The following PGM5 variants were observed in gnomAD, a reference collection of about 807,000 sequenced individuals.
PGM5 encodes phosphoglucomutase-like protein 5.
PGM5 carries 23 observed loss-of-function variants against 59.2 expected under a neutral mutation model. The observed-to-expected ratio is 0.39, with a 90% CI of 0.28 to 0.55. PGM5 has a LOEUF of 0.55. PGM5 is among the 20% of genes least tolerant of loss of function. The probability of loss-of-function intolerance (pLI) is 0.66; values close to 1 mark genes in which losing one functional copy is unlikely to be tolerated. For synonymous variants in PGM5, 214 were observed against 286.0 expected, an observed-to-expected ratio of 0.75 and a Z score of 2.54; for missense variants, 574 against 748.3, an observed-to-expected ratio of 0.77 and a Z score of 2.72.
intron 1 of PGM5, among the ~76,000 whole-genome samples, chr9:68,359,409 G>A (rs1321388696): frequency 6.6e-6 from 1 of 152,146 alleles, no homozygotes; most frequent in Non-Finnish European, 1.5e-5. Context: ...CATGGGTGAA[G>A]GGAATGGTGG....
chr9:68,528,155 T>C (rs1195457568), intron 10 of PGM5, among the ~76,000 whole-genome samples: 4 of 152,244 alleles, frequency 2.6e-5, no homozygotes, highest in Non-Finnish European at 5.9e-5. Flanking sequence ...TACAGAATTT[T>C]TGTTTCTTCC....
intron 10 of PGM5, among the ~76,000 whole-genome samples, chr9:68,505,197 A>G (rs1445864404): frequency 7.9e-5 from 12 of 152,310 alleles, no homozygotes; most frequent in African/African-American, 2.9e-4. Context: ...AACAAAATCC[A>G]CATTGTCCAT....
chr9:68,402,748 G>A (rs1822704440), intron 6 of PGM5, among the ~76,000 whole-genome samples: 1 of 152,160 alleles, frequency 6.6e-6, no homozygotes, highest in African/African-American at 2.4e-5. Context: ...TAAAATGAAG[G>A]AGGATAATGT....
chr9:68,357,654 G>C, intron 1 of PGM5: 1 of 540,308 alleles, frequency 1.9e-6, no homozygotes, highest in Non-Finnish European at 3.2e-6. Flanking sequence ...CACTCCGGGC[G>C]CCCTGGACTC....
Position 68,462,456 on chromosome 9 carries a change from G to A in PGM5, c.1044-2637G>A, listed in dbSNP as rs187298810. ...ACAATTAACTCATACCCAGGATCCT[G>A]GAATTTGATTACCCATATTGTTATT... On this transcript the variant is annotated intron_variant, in intron 6 of 10. Coordinates refer to ENST00000396396, the MANE Select transcript of PGM5 (RefSeq NM_021965.4). Among the ~76,000 whole-genome samples the A allele has an allele frequency of 4.5e-3, 692 of 152,244 alleles. 1 individual carries two copies. Among genetic ancestry groups the A allele is most frequent in the Middle Eastern group, 6.8e-3 (2 of 294 alleles).
intron 10 of PGM5, among the ~76,000 whole-genome samples, chr9:68,512,847 G>A (rs1004618021): frequency 2.0e-5 from 3 of 152,168 alleles, no homozygotes; most frequent in Non-Finnish European, 4.4e-5. Context: ...CACAAAAGCC[G>A]CCACAGGTAA....
chr9:68,473,363 C>T (rs189929895), intron 7 of PGM5, among the ~76,000 whole-genome samples: 29 of 152,332 alleles, frequency 1.9e-4, no homozygotes, highest in African/African-American at 5.8e-4. Flanking sequence ...ACATAGGATG[C>T]TTTACCCGCT....
intron 6 of PGM5, among the ~76,000 whole-genome samples, chr9:68,461,713 T>G (rs1336292446): frequency 1.3e-5 from 2 of 152,178 alleles, no homozygotes; most frequent in East Asian, 1.9e-4. Context: ...GATCTCAGAC[T>G]TCCTAACCTC....
At chr9:68,462,276 C>T (rs533893366) in intron 6 of PGM5, among the ~76,000 whole-genome samples, 2 of 152,222 alleles carry the variant, frequency 1.3e-5, no homozygotes, top group South Asian at 2.1e-4. Flanking sequence ...TGGGCAGCTT[C>T]GTTTTCAGCT....
intron 4 of PGM5, among the ~76,000 whole-genome samples, chr9:68,389,979 A>T (rs149582945): frequency 0.012 from 1,770 of 152,182 alleles, 41 homozygotes; most frequent in African/African-American, 0.04. Flanking sequence ...GATATATTTT[A>T]AAAAGTTTTC....
intron 6 of PGM5, among the ~76,000 whole-genome samples, chr9:68,406,668 ATATATATATG>A (rs199631119): frequency 0.36 from 2,286 of 6,408 alleles, 434 homozygotes; most frequent in Non-Finnish European, 0.42. Flanking sequence ...AGGTATATAT[ATATATATATG>A]TATATATATA....
At chr9:68,522,181 A>G (rs973582420) in intron 10 of PGM5, among the ~76,000 whole-genome samples, 2 of 152,118 alleles carry the variant, frequency 1.3e-5, no homozygotes, top group Non-Finnish European at 2.9e-5. Context: ...CTTGAACCCA[A>G]GAGGCAAAAG....
At chr9:68,520,016 G>A (rs1824876409) in intron 10 of PGM5, among the ~76,000 whole-genome samples, 1 of 151,018 alleles carries the variant, frequency 6.6e-6, no homozygotes, top group Non-Finnish European at 1.5e-5. Context: ...CTCAAGCCTG[G>A]GAAATTGATG....
chr9:68,525,779 G>T (rs559862556), intron 10 of PGM5, among the ~76,000 whole-genome samples: 4 of 152,134 alleles, frequency 2.6e-5, no homozygotes, highest in African/African-American at 7.2e-5. Context: ...GGAGCTTGCC[G>T]GGCGTGGTGG....
In PGM5 at chr9:68,529,743, C is replaced by T; in HGVS notation, c.*87C>T. 3 of 593,414 alleles carry T rather than the reference C, an allele frequency of 5.1e-6. No individual in the cohort carries two copies. The highest frequency in any genetic ancestry group is 8.1e-6 in the Non-Finnish European group (3 of 371,914). The allele number at this position is 593,414 out of a possible 1,614,324, so 36.8% of individuals were successfully genotyped here. ...GCCTTCTTGCTACCTGTTTGTGCCT[C>T]TTATGACTTTGGAAAAACAAAAGAT... On this transcript the variant is annotated 3_prime_UTR_variant, in exon 11 of 11. Transcript: ENST00000396396.
intron 1 of PGM5, among the ~76,000 whole-genome samples, chr9:68,376,097 A>G (rs1179513363): frequency 1.3e-5 from 2 of 151,404 alleles, no homozygotes; most frequent in African/African-American, 4.9e-5. Flanking sequence ...TGGGTTGGTG[A>G]GGGACAAGGA....
chr9:68,477,058 T>G (rs1180512544), intron 7 of PGM5, among the ~76,000 whole-genome samples: 1 of 152,240 alleles, frequency 6.6e-6, no homozygotes, highest in Non-Finnish European at 1.5e-5. Flanking sequence ...AAACTTGTTT[T>G]TTGGCAGTTG....
chr9:68,504,169 T>TA (rs1321318545), intron 10 of PGM5, among the ~76,000 whole-genome samples: 2 of 152,252 alleles, frequency 1.3e-5, no homozygotes, highest in Non-Finnish European at 2.9e-5. Flanking sequence ...CTTCTATTTC[T>TA]GTTGCTTATT....
chr9:68,522,316 C>T (rs10780999), intron 10 of PGM5, among the ~76,000 whole-genome samples: 34,518 of 151,910 alleles, frequency 0.23, 5,362 homozygotes, highest in African/African-American at 0.43. Flanking sequence ...GATGGTGGGG[C>T]AGTGTGTTAA....
Sources: gnomAD v4.1 joint callset for allele counts (sites outside exome capture counted in the v4.1 genomes callset) on GRCh38, gnomAD v4.1.1 for gene constraint, MANE v1.5 for transcripts, NCBI Gene and HGNC (gene_info 2026-07-23, HGNC 2026-07-21) for gene names.